Variants in ANKFN1 observed in about 807,000 individuals in gnomAD.
The protein encoded by ANKFN1 is ankyrin repeat and fibronectin type-III domain-containing protein 1.
A neutral mutation model predicts 108.7 loss-of-function variants in ANKFN1; 74 were observed. That is an observed-to-expected ratio of 0.68 (90% CI 0.56 to 0.83). The LOEUF (loss-of-function observed/expected upper bound fraction) is 0.83. Among genes scored for constraint, ANKFN1 ranks in the 40% least tolerant of loss-of-function variants. ANKFN1 has a pLI of 0.00. For missense variants in ANKFN1, 1,505 were observed against 1,382.3 expected (o/e 1.09, Z -1.41); for synonymous variants, 547 against 516.2 (o/e 1.06, Z -0.81).
At chr17:56,339,895 G>A (rs1383705309) in intron 4 of ANKFN1, among the ~76,000 whole-genome samples, 1 of 152,116 alleles carries the variant, frequency 6.6e-6, no homozygotes, top group African/African-American at 2.4e-5. Flanking sequence ...TTTCCACAAT[G>A]GCTGGACTAA....
chr17:56,200,955 T>C (rs1456130578), intron 1 of ANKFN1, among the ~76,000 whole-genome samples: 2 of 152,206 alleles, frequency 1.3e-5, no homozygotes, highest in East Asian at 3.8e-4. Flanking sequence ...ATTTCTGTGG[T>C]ATGCTAGATT....
At chr17:56,316,930 G>A (rs1452363831) in intron 3 of ANKFN1, among the ~76,000 whole-genome samples, 1 of 152,180 alleles carries the variant, frequency 6.6e-6, no homozygotes, top group Non-Finnish European at 1.5e-5. Context: ...ATTAATGAGT[G>A]AGGCACATCT....
At chr17:56,132,609 T>C (rs1907348916) in intron 4 of ANKFN1, among the ~76,000 whole-genome samples, 1 of 152,172 alleles carries the variant, frequency 6.6e-6, no homozygotes, top group Non-Finnish European at 1.5e-5. Flanking sequence ...CAGGCTGCCA[T>C]AACAAAATAT....
At chr17:56,453,655 G>A (rs1174184059) in intron 11 of ANKFN1, among the ~76,000 whole-genome samples, 1 of 152,100 alleles carries the variant, frequency 6.6e-6, no homozygotes, top group East Asian at 1.9e-4. Flanking sequence ...TGTATTGCAT[G>A]GTGGAGCTTT....
chr17:56,424,080 A>G (rs2048487235), intron 8 of ANKFN1, among the ~76,000 whole-genome samples: 1 of 152,204 alleles, frequency 6.6e-6, no homozygotes, highest in African/African-American at 2.4e-5. Flanking sequence ...TGGTGTTACA[A>G]TCCTTCTAAA....
At chr17:56,315,844 G>T (rs1359852054) in intron 3 of ANKFN1, among the ~76,000 whole-genome samples, 6 of 152,074 alleles carry the variant, frequency 3.9e-5, no homozygotes, top group Non-Finnish European at 8.8e-5. Flanking sequence ...GAAATAAAAG[G>T]GTCACACCAA....
At chr17:56,356,193 C>A (rs1198893896) in intron 6 of ANKFN1, among the ~76,000 whole-genome samples, 3 of 152,088 alleles carry the variant, frequency 2.0e-5, no homozygotes, top group Admixed American at 1.3e-4. Context: ...CTGTGCCAGG[C>A]ACTTTTCTGA....
At chr17:56,348,675 A>G (rs1324480372) in intron 4 of ANKFN1, among the ~76,000 whole-genome samples, 1 of 152,030 alleles carries the variant, frequency 6.6e-6, no homozygotes, top group East Asian at 1.9e-4. Flanking sequence ...ATCATTAGAT[A>G]AAATCCACAA....
chr17:56,109,809 A>C (rs1401415850), intron 4 of ANKFN1, among the ~76,000 whole-genome samples: 1 of 152,238 alleles, frequency 6.6e-6, no homozygotes, highest in Non-Finnish European at 1.5e-5. Flanking sequence ...GAGAGGATTA[A>C]ATGAAATACT....
chr17:56,297,114 G>A lies in ANKFN1; in HGVS notation c.54-29107G>A, dbSNP rs568097591. Reference sequence around the variant, plus strand: ...TGATTTTGGTGAACTTTTGGGGAAAGGTAATGGATGAGAAGAAAGGCACAG... The same window carrying A: ...TGATTTTGGTGAACTTTTGGGGAAAAGTAATGGATGAGAAGAAAGGCACAG... On this transcript the variant is annotated intron_variant, in intron 3 of 20. Coordinates refer to ENST00000682825, the MANE Select transcript of ANKFN1 (RefSeq NM_001370326.1). Among the ~76,000 whole-genome samples the A allele has an allele frequency of 7.9e-5, 12 of 152,326 alleles. No homozygotes were observed. In the East Asian group the frequency reaches 2.3e-3, roughly 29 times the overall value.
At chr17:56,301,575 AAG>A (rs2044671087) in intron 3 of ANKFN1, among the ~76,000 whole-genome samples, 1 of 152,186 alleles carries the variant, frequency 6.6e-6, no homozygotes, top group African/African-American at 2.4e-5. Context: ...AGCTGCAAAT[AAG>A]AGATCCAATC....
chr17:56,197,810 A>G (rs1337850940), intron 1 of ANKFN1, among the ~76,000 whole-genome samples: 1 of 152,238 alleles, frequency 6.6e-6, no homozygotes, highest in African/African-American at 2.4e-5. Flanking sequence ...TTCTTGCACC[A>G]GGGACCAGTT....
Position 56,516,959 on chromosome 17 carries a change from C to G in ANKFN1, c.*5690C>G, listed in dbSNP as rs1472704188. 6.6e-6 allele frequency among the ~76,000 whole-genome samples: 1 copy of G among 151,816 alleles called. No homozygotes were observed. The highest frequency in any genetic ancestry group is 1.5e-5 in the Non-Finnish European group (1 of 67,982). ...GCTGTTTAAGGGACAGTTTCCAAGCCCATTTGTCTTAAGTGTGGAAAAATG... is the reference window on the plus strand; with the variant it reads ...GCTGTTTAAGGGACAGTTTCCAAGCGCATTTGTCTTAAGTGTGGAAAAATG... On this transcript the variant is annotated 3_prime_UTR_variant, in exon 21 of 21. Transcript: ENST00000682825.
Position 56,511,146 on chromosome 17 carries a change from A to G in ANKFN1, c.3318A>G (p.Pro1106=), listed in dbSNP as rs1485461592. ...AAAVVAQDEK[P]WASLSPPSGG... is the part of the protein sequence containing the mutation. Reference sequence around the variant, plus strand: ...CCGTGGTGGCCCAGGACGAAAAACCATGGGCAAGCTTGAGCCCGCCCTCTG... The same window carrying G: ...CCGTGGTGGCCCAGGACGAAAAACCGTGGGCAAGCTTGAGCCCGCCCTCTG... The change falls in exon 21 of 21, where the codon CCA becomes CCG. Residue 1106 remains proline (P), a synonymous_variant. Coordinates refer to ENST00000682825, the MANE Select transcript of ANKFN1 (RefSeq NM_001370326.1). 1 of 1,535,988 alleles carries G rather than the reference A, an allele frequency of 6.5e-7. No individual in the cohort carries two copies. The highest frequency in any genetic ancestry group is 8.7e-7 in the Non-Finnish European group (1 of 1,146,860).
intron 1 of ANKFN1, among the ~76,000 whole-genome samples, chr17:56,207,410 A>G (rs914696890): frequency 1.3e-5 from 2 of 152,186 alleles, no homozygotes; most frequent in Non-Finnish European, 2.9e-5. Context: ...AGTTATCTCA[A>G]CAGATCTTCC....
chr17:56,489,565 C>T (rs539522580), intron 18 of ANKFN1, among the ~76,000 whole-genome samples: 141 of 152,112 alleles, frequency 9.3e-4, no homozygotes, highest in African/African-American at 3.2e-3. Context: ...GTGAGACCAC[C>T]CACTGATCCA....
At chr17:56,410,331 A>G (rs979835485) in intron 8 of ANKFN1, among the ~76,000 whole-genome samples, 2 of 152,056 alleles carry the variant, frequency 1.3e-5, no homozygotes. Flanking sequence ...ACTTGACCTC[A>G]TGATCCGCCC....
At chr17:56,124,109 G>A (rs1272027831) in intron 4 of ANKFN1, among the ~76,000 whole-genome samples, 1 of 152,162 alleles carries the variant, frequency 6.6e-6, no homozygotes, top group Non-Finnish European at 1.5e-5. Context: ...ATCACCTGGG[G>A]TGTCGAGTTA....
At chr17:56,384,418 C>T (rs1257282804) in intron 8 of ANKFN1, among the ~76,000 whole-genome samples, 2 of 152,214 alleles carry the variant, frequency 1.3e-5, no homozygotes, top group East Asian at 3.9e-4. Flanking sequence ...AAAACTGGCA[C>T]AAGACAGGGA....
Sources: allele counts gnomAD v4.1 joint callset (sites outside exome capture counted in the v4.1 genomes callset), GRCh38; gene constraint gnomAD v4.1.1; transcripts MANE v1.5; gene names NCBI Gene and HGNC (gene_info 2026-07-23, HGNC 2026-07-21).